Variants in PHF21A observed in about 807,000 individuals in gnomAD.
The protein encoded by PHF21A is PHD finger protein 21A, also known as BHC80a.
A neutral mutation model predicts 82.5 loss-of-function variants in PHF21A; 11 were observed. That is an observed-to-expected ratio of 0.13 (90% CI 0.08 to 0.22). The LOEUF is 0.22. Ranked by LOEUF, PHF21A falls within the 10% of genes least tolerant of loss-of-function variation. PHF21A has a pLI of 1.00. For synonymous variants in PHF21A, 297 were observed against 302.8 expected (o/e 0.98, Z 0.20); for missense variants, 579 against 837.8 (o/e 0.69, Z 3.81).
chr11:45,965,414 G>A lies in PHF21A; in HGVS notation c.897C>T (p.Phe299=), dbSNP rs2093371194. Residue 299 remains phenylalanine, a synonymous_variant, in exon 10 of 19, where the codon TTC becomes TTT. Coordinates refer to ENST00000676320, the MANE Select transcript of PHF21A (RefSeq NM_001352027.3). ...CAATGCTGGTGAGCTGGGCCATGGG[G>A]AACGTTTTGGCTATGGTTGCAGTCT... The part of the protein sequence containing the change: ...NGQTATIAKT[F]PMAQLTSIVI... The A allele has an allele frequency of 6.2e-7, 1 of 1,614,138 alleles. No homozygotes were observed.
intron 10 of PHF21A, among the ~76,000 whole-genome samples, chr11:45,960,227 T>C (rs1378262672): frequency 6.6e-6 from 1 of 152,208 alleles, no homozygotes; most frequent in Non-Finnish European, 1.5e-5. Flanking sequence ...TGCTTGCACA[T>C]GAATGTTCAC....
chr11:45,977,918 G>C (rs2094114991), intron 7 of PHF21A, among the ~76,000 whole-genome samples: 1 of 150,586 alleles, frequency 6.6e-6, no homozygotes, highest in African/African-American at 2.4e-5. Context: ...AGAACATCTA[G>C]GTTCAAATCT....
At chr11:45,955,548 T>A (rs1257106943) in intron 10 of PHF21A, among the ~76,000 whole-genome samples, 6 of 152,164 alleles carry the variant, frequency 3.9e-5, no homozygotes, top group Non-Finnish European at 8.8e-5. Flanking sequence ...TAAGGCTGAG[T>A]AAAGCAATTA....
intron 6 of PHF21A, among the ~76,000 whole-genome samples, chr11:46,056,745 G>A (rs2096463326): frequency 6.6e-6 from 1 of 152,082 alleles, no homozygotes; most frequent in Admixed American, 6.6e-5. Flanking sequence ...ATTTGCTGCT[G>A]CTTAAAAGAC....
At chr11:46,003,980 T>G (rs2095225027) in intron 6 of PHF21A, among the ~76,000 whole-genome samples, 1 of 152,322 alleles carries the variant, frequency 6.6e-6, no homozygotes, top group Admixed American at 6.5e-5. Context: ...AGAACAAAAA[T>G]GCTTCAATAT....
chr11:46,008,651 G>A (rs1367758792), intron 6 of PHF21A, among the ~76,000 whole-genome samples: 1 of 151,740 alleles, frequency 6.6e-6, no homozygotes, highest in African/African-American at 2.4e-5. Context: ...TGGTGCTGCT[G>A]GACAAGTCAC....
intron 1 of PHF21A, chr11:46,120,386 C>G (rs1852853372): frequency 6.7e-6 from 1 of 150,050 alleles, no homozygotes; most frequent in Non-Finnish European, 1.5e-5. Flanking sequence ...CTCCGTGCCC[C>G]CCGCCCCCGC....
intron 9 of PHF21A, among the ~76,000 whole-genome samples, chr11:45,968,594 A>G (rs908114491): frequency 1.8e-4 from 27 of 152,194 alleles, no homozygotes; most frequent in African/African-American, 6.3e-4. Context: ...ATGTCAACTC[A>G]TCAAAGAAAG....
intron 7 of PHF21A, among the ~76,000 whole-genome samples, chr11:45,975,446 T>C (rs1431658867): frequency 2.0e-5 from 3 of 152,080 alleles, no homozygotes; most frequent in South Asian, 2.1e-4. Flanking sequence ...GGATTATTAC[T>C]ATGGGATCTA....
chr11:45,987,615 C>A (rs1232221361), intron 6 of PHF21A, among the ~76,000 whole-genome samples: 1 of 125,898 alleles, frequency 7.9e-6, no homozygotes, highest in Non-Finnish European at 1.6e-5. Flanking sequence ...GAGCCAAGAT[C>A]ACGCCACTGT....
intron 15 of PHF21A, among the ~76,000 whole-genome samples, chr11:45,940,658 T>TTG (rs2090169200): frequency 1.3e-5 from 2 of 151,990 alleles, no homozygotes; most frequent in African/African-American, 2.4e-5. Context: ...CCTTCATTAT[T>TTG]AAAATCAGGC....
In PHF21A at chr11:46,078,238, CAATTTGTAGAGAT is replaced by C. The variant is rs550236602; in HGVS notation, c.87+883_87+895del. ...AACACAATAGTTAGACCTGAGTTCT[CAATTTGTAGAGAT>C]AAGTGTTATTTTTTTACTTCCAAAA... On this transcript the variant is annotated intron_variant, in intron 5 of 18. Coordinates refer to ENST00000676320, the MANE Select transcript of PHF21A (RefSeq NM_001352027.3). Among the ~76,000 whole-genome samples, 22 of 152,304 alleles carry C rather than the reference CAATTTGTAGAGAT, an allele frequency of 1.4e-4. No homozygotes were observed. The East Asian group carries it at 4.2e-3, about 29-fold the overall frequency.
chr11:45,963,420 CAAAAA>C (rs35389845), intron 10 of PHF21A, among the ~76,000 whole-genome samples: 2 of 89,950 alleles, frequency 2.2e-5, no homozygotes, highest in Admixed American at 1.1e-4. Context: ...AACTCTGTGT[CAAAAA>C]AAAAAAAAAA....
At chr11:45,977,928 T>C (rs997234098) in intron 7 of PHF21A, among the ~76,000 whole-genome samples, 3 of 151,958 alleles carry the variant, frequency 2.0e-5, no homozygotes, top group Non-Finnish European at 4.4e-5. Context: ...GGTTCAAATC[T>C]TAGCTACACC....
At chr11:46,090,913 T>A (rs1470416681) in intron 2 of PHF21A, among the ~76,000 whole-genome samples, 2 of 152,084 alleles carry the variant, frequency 1.3e-5, no homozygotes, top group Non-Finnish European at 2.9e-5. Context: ...AAAGTCTGAT[T>A]TTTCACAAAA....
intron 6 of PHF21A, among the ~76,000 whole-genome samples, chr11:46,029,561 G>A (rs1252020219): frequency 6.6e-6 from 1 of 151,778 alleles, no homozygotes; most frequent in Non-Finnish European, 1.5e-5. Flanking sequence ...GGTAGCGCAT[G>A]TCTGTAATCC....
chr11:46,029,686 A>C (rs1375367876), intron 6 of PHF21A, among the ~76,000 whole-genome samples: 1 of 151,896 alleles, frequency 6.6e-6, no homozygotes, highest in Non-Finnish European at 1.5e-5. Context: ...AAAAAAAAAA[A>C]CTGTCTTCAT....
At chr11:45,976,647 G>C (rs1459090449) in intron 7 of PHF21A, among the ~76,000 whole-genome samples, 1 of 152,102 alleles carries the variant, frequency 6.6e-6, no homozygotes, top group African/African-American at 2.4e-5. Context: ...TTTGAGACCA[G>C]CCTGGCAAAC....
intron 6 of PHF21A, among the ~76,000 whole-genome samples, chr11:45,999,938 G>T (rs1165075226): frequency 6.6e-6 from 1 of 152,144 alleles, no homozygotes; most frequent in Non-Finnish European, 1.5e-5. Flanking sequence ...AGAGAAAGTC[G>T]CAATATTCTG....
Sources: gnomAD v4.1 joint callset for allele counts (sites outside exome capture counted in the v4.1 genomes callset) on GRCh38, gnomAD v4.1.1 for gene constraint, MANE v1.5 for transcripts, NCBI Gene and HGNC (gene_info 2026-07-23, HGNC 2026-07-21) for gene names.